The following VPS35L variants were observed in gnomAD, a reference collection of about 807,000 sequenced individuals.
VPS35L encodes the protein VPS35 endosomal protein-sorting factor-like.
A neutral mutation model predicts 133.0 loss-of-function variants in VPS35L; 83 were observed. The ratio of observed to expected loss-of-function variants is 0.62; its 90% CI spans 0.52 to 0.75. The LOEUF is 0.75. Among genes scored for constraint, VPS35L ranks in the 30% least tolerant of loss-of-function variants. VPS35L has a pLI of 0.00. For missense variants in VPS35L, 1,083 were observed against 1,206.8 expected, an observed-to-expected ratio of 0.90 and a Z score of 1.52; for synonymous variants, 423 against 449.9, an observed-to-expected ratio of 0.94 and a Z score of 0.76.
At position 19,639,452 on chromosome 16, in the gene VPS35L, C is replaced by T. The variant is rs942070642; in HGVS notation, c.1699-563C>T. 6.6e-6 allele frequency among the ~76,000 whole-genome samples: 1 copy of T among 152,192 alleles called. No homozygotes were observed. The highest frequency in any genetic ancestry group is 2.4e-5 in the African/African-American group (1 of 41,442). Reference sequence around the variant, plus strand: ...CATCAAAGGTTGCCTGGATGGCTCACCAAAATGTTAACTGGTCCCAGCACC... The same window carrying T: ...CATCAAAGGTTGCCTGGATGGCTCATCAAAATGTTAACTGGTCCCAGCACC... On this transcript the variant is annotated intron_variant, in intron 20 of 30. Transcript: ENST00000417362. The surrounding 1 kb of genome is among the most constrained non-coding windows in gnomAD (Gnocchi z 4.1).
intron 3 of VPS35L, among the ~76,000 whole-genome samples, chr16:19,571,872 A>G (rs116588410): frequency 3.3e-5 from 5 of 149,820 alleles, no homozygotes; most frequent in African/African-American, 9.9e-5. Flanking sequence ...TAACTTGACC[A>G]TATGTCTTGG....
intron 26 of VPS35L, among the ~76,000 whole-genome samples, chr16:19,659,207 A>G (rs1974402039): frequency 6.6e-6 from 1 of 152,154 alleles, no homozygotes; most frequent in Non-Finnish European, 1.5e-5. Context: ...CACAGAGACA[A>G]TACGCAACCT....
chr16:19,629,327 T>C (rs1973372128), intron 17 of VPS35L, among the ~76,000 whole-genome samples: 1 of 152,172 alleles, frequency 6.6e-6, no homozygotes, highest in Admixed American at 6.5e-5. Flanking sequence ...CCTAAAGAAA[T>C]CTATTTATTA....
chr16:19,573,177 A>G lies in VPS35L; in HGVS notation c.344A>G (p.Glu115Gly), dbSNP rs758948904. 1 of 1,613,996 alleles carries G rather than the reference A, an allele frequency of 6.2e-7. No homozygotes were observed. The highest frequency in any genetic ancestry group is 8.5e-7 in the Non-Finnish European group (1 of 1,179,926). The stretch of plus-strand genomic sequence containing the variant: ...AACTCCGTTGTAGGATCGGATTTTG[A>G]GCCTTGGACCAACAAACGGGGAGAA... Reference protein sequence around the residue: ...DDNSVVGSDFEPWTNKRGEIL... With the variant: ...DDNSVVGSDFGPWTNKRGEIL... The change falls in exon 4 of 31, where the codon GAG (glutamate) becomes GGG (glycine). Residue 115 changes from glutamate to glycine, a missense_variant. By Grantham distance (98) the Glu-to-Gly change is moderately conservative (BLOSUM62 -2). Coordinates refer to ENST00000417362, the MANE Select transcript of VPS35L (RefSeq NM_020314.7).
At chr16:19,567,125 A>G (rs1474371286) in intron 2 of VPS35L, among the ~76,000 whole-genome samples, 3 of 152,190 alleles carry the variant, frequency 2.0e-5, no homozygotes, top group Admixed American at 6.5e-5. Flanking sequence ...TACATGTCCA[A>G]TGAGGTTATA....
At position 19,627,804 on chromosome 16, in the gene VPS35L, A is replaced by G. The variant is rs1221873509; in HGVS notation, c.1382A>G (p.Lys461Arg). ...IKECDESGFPKHLLFRSLGLN... is the reference protein window; with the variant it reads ...IKECDESGFPRHLLFRSLGLN... The stretch of plus-strand genomic sequence containing the variant: ...GAGTGTGATGAATCTGGTTTCCCCA[A>G]GGTAGGCTCTTGACTTCATGCTCAG... Residue 461 changes from lysine (K) to arginine (R), a missense_variant and splice_region_variant, in exon 16 of 31, where the codon AAG (lysine) becomes AGG (arginine). Lys to Arg is a conservative substitution (Grantham distance 26). Transcript: ENST00000417362. The G allele has an allele frequency of 6.2e-7, 1 of 1,601,922 alleles. No homozygotes were observed. The highest frequency in any genetic ancestry group is 1.1e-5 in the South Asian group (1 of 90,814).
At position 19,664,899 on chromosome 16, in the gene VPS35L, A is replaced by T. The variant is rs750757051; in HGVS notation, c.2222-4261A>T. ...TGGGCAACAGAGCAAGAGTTCATCTAAAAAAAAAAAAAAACAAAAAAACAT... is the reference window on the plus strand; with the variant it reads ...TGGGCAACAGAGCAAGAGTTCATCTTAAAAAAAAAAAAAACAAAAAAACAT... On this transcript the variant is annotated intron_variant, in intron 26 of 30. Coordinates refer to ENST00000417362, the MANE Select transcript of VPS35L (RefSeq NM_020314.7). Among the ~76,000 whole-genome samples, 214 of 126,360 alleles carry T rather than the reference A, an allele frequency of 1.7e-3. No individual in the cohort carries two copies. In the Middle Eastern group the frequency reaches 0.02, roughly 12 times the overall value. The allele number at this position is 126,360 out of a possible 152,430, so 82.9% of individuals were successfully genotyped here.
chr16:19,669,209 G>A lies in VPS35L; in HGVS notation c.2271G>A (p.Lys757=). The change falls in exon 27 of 31, where the codon AAG becomes AAA. Residue 757 remains lysine, a synonymous_variant. Coordinates refer to ENST00000417362, the MANE Select transcript of VPS35L (RefSeq NM_020314.7). The stretch of plus-strand genomic sequence containing the variant: ...TAAGCCTTGTTCCGGAAGTTCCAAA[G>A]ATGATTAATATTGATGGGAAGATGC... ...AAISLVPEVP[K]MINIDGKMRP... The A allele has an allele frequency of 1.9e-6, 3 of 1,612,760 alleles. No homozygotes were observed. The highest frequency in any genetic ancestry group is 1.7e-6 in the Non-Finnish European group (2 of 1,179,016).
At chr16:19,650,487 AC>A (rs1024900740) in intron 25 of VPS35L, 28 bp downstream of exon 25, 1 of 1,563,034 alleles carries the variant, frequency 6.4e-7, no homozygotes, top group African/African-American at 1.4e-5. Flanking sequence ...GGACTGTTGG[AC>A]CTCGAACTCC....
intron 7 of VPS35L, among the ~76,000 whole-genome samples, chr16:19,585,406 C>CTTTTTTTTTTTTTT (rs201727936): frequency 6.5e-5 from 9 of 138,138 alleles, no homozygotes; most frequent in Admixed American, 1.5e-4. Flanking sequence ...TTTCTTTTTT[C>CTTTTTTTTTTTTTT]TTTTTTTTTT....
intron 4 of VPS35L, among the ~76,000 whole-genome samples, chr16:19,574,600 C>T (rs1050365035): frequency 4.1e-5 from 6 of 145,414 alleles, no homozygotes; most frequent in South Asian, 2.2e-4. Context: ...TAAATTGAGT[C>T]TTTTTTTTTT....
intron 27 of VPS35L, among the ~76,000 whole-genome samples, chr16:19,681,992 C>T (rs556896490): frequency 1.3e-5 from 2 of 152,134 alleles, no homozygotes; most frequent in Non-Finnish European, 2.9e-5. Flanking sequence ...AAAAGGGATT[C>T]TCAAAGCTCG....
chr16:19,618,631 C>T lies in VPS35L; in HGVS notation c.1224+1823C>T, dbSNP rs138629615. 2.6e-4 allele frequency among the ~76,000 whole-genome samples: 39 copies of T among 152,260 alleles called. 3 individuals are homozygous for T. In the East Asian group the frequency reaches 3.9e-3, roughly 15 times the overall value. On this transcript the variant is annotated intron_variant, in intron 14 of 30. Transcript: ENST00000417362. ...GGTGCCTGGGTCTGCATCTCAGCTC[C>T]GTTAACAGCTGTTGTGATAGAGTAG...
At chr16:19,630,252 G>A (rs1046799977) in intron 18 of VPS35L, among the ~76,000 whole-genome samples, 4 of 151,140 alleles carry the variant, frequency 2.6e-5, no homozygotes, top group African/African-American at 7.3e-5. Flanking sequence ...AAAGAGCAGA[G>A]ACTTTAGAAG....
At chr16:19,565,768 G>A (rs1004162405) in intron 2 of VPS35L, among the ~76,000 whole-genome samples, 2 of 152,158 alleles carry the variant, frequency 1.3e-5, no homozygotes, top group Non-Finnish European at 2.9e-5. Context: ...TGAATGGGAT[G>A]ACTTTGTTCC....
In VPS35L at chr16:19,564,831, T is replaced by G. The variant is rs1188787146; in HGVS notation, c.18-20T>G. 6.3e-7 allele frequency: 1 copy of G among 1,581,850 alleles called. No individual in the cohort carries two copies. Among genetic ancestry groups the G allele is most frequent in the South Asian group, 1.1e-5 (1 of 89,850 alleles). ...TAAGTACCCCCATCCACTAATTGGC[T>G]GTGTTTCGCTGTTTACCAGGCACTC... On this transcript the variant is annotated intron_variant, in intron 1 of 30. Coordinates refer to ENST00000417362, the MANE Select transcript of VPS35L (RefSeq NM_020314.7).
At chr16:19,616,259 G>T in intron 13 of VPS35L, 68 bp downstream of exon 13, 2 of 1,411,666 alleles carry the variant, frequency 1.4e-6, no homozygotes, top group Non-Finnish European at 2.0e-6. Flanking sequence ...ACAAAACCCA[G>T]TTGGTTTTCC....
At chr16:19,690,271 G>A (rs1013103756) in intron 28 of VPS35L, among the ~76,000 whole-genome samples, 11 of 152,084 alleles carry the variant, frequency 7.2e-5, no homozygotes, top group East Asian at 1.9e-4. Context: ...TGTCTCTTTC[G>A]TTGCCCAGAT....
At chr16:19,648,326 C>A (rs1442347651) in intron 24 of VPS35L, among the ~76,000 whole-genome samples, 2 of 152,096 alleles carry the variant, frequency 1.3e-5, no homozygotes, top group Non-Finnish European at 2.9e-5. Flanking sequence ...AAGGTGGTTT[C>A]TCAAAGGTTA....
Sources: gnomAD v4.1 joint callset for allele counts (sites outside exome capture counted in the v4.1 genomes callset) on GRCh38, gnomAD v4.1.1 for gene constraint, Gnocchi (gnomAD v3.1) non-coding constraint, MANE v1.5 for transcripts, NCBI Gene and HGNC (gene_info 2026-07-23, HGNC 2026-07-21) for gene names.